EXOC4: variants seen among roughly 807,000 people sequenced by gnomAD.
EXOC4 encodes exocyst complex component 4, also known as SEC8-like 1.
In EXOC4, 71 loss-of-function variants were observed where a neutral mutation model predicts 107.2. That is an observed-to-expected ratio of 0.66 (90% confidence interval 0.55 to 0.81). EXOC4 has a LOEUF of 0.81. Among genes scored for constraint, EXOC4 ranks in the 30% least tolerant of loss-of-function variants. EXOC4 has a pLI of 0.00. For missense variants in EXOC4, 1,108 were observed against 1,189.6 expected (o/e 0.93, Z 1.01); for synonymous variants, 456 against 441.2 (o/e 1.03, Z -0.42).
chr7:133,658,087 C>T (rs1271574509), intron 10 of EXOC4, among the ~76,000 whole-genome samples: 1 of 152,108 alleles, frequency 6.6e-6, no homozygotes. Context: ...GATGTCTAAA[C>T]TGAGACCCTA....
At chr7:133,336,307 A>G (rs1219828692) in intron 5 of EXOC4, among the ~76,000 whole-genome samples, 1 of 152,080 alleles carries the variant, frequency 6.6e-6, no homozygotes, top group African/African-American at 2.4e-5. Flanking sequence ...TGAGAGTTTT[A>G]TAGTTTTAGG....
At chr7:134,029,591 C>T (rs1795223852) in intron 17 of EXOC4, among the ~76,000 whole-genome samples, 1 of 152,186 alleles carries the variant, frequency 6.6e-6, no homozygotes, top group African/African-American at 2.4e-5. Flanking sequence ...GTGATCACGG[C>T]TCACTGCAGC....
rs1296838220 is a variant in EXOC4, at chr7:133,834,055, GATATA to G, written c.1734+16519_1734+16523del. Among the ~76,000 whole-genome samples the G allele has an allele frequency of 2.6e-5, 4 of 152,246 alleles. No individual in the cohort carries two copies. In the East Asian group the frequency reaches 5.8e-4, roughly 22 times the overall value. On this transcript the variant is annotated intron_variant, in intron 11 of 17. Transcript: ENST00000253861. ...CACAGTGACCCCTGCATATTAGTAAGATATAATATAATCTCAGAGGCTTGACTAGA... is the reference window on the plus strand; with the variant it reads ...CACAGTGACCCCTGCATATTAGTAAGATATAATCTCAGAGGCTTGACTAGA...
At chr7:133,691,138 C>G (rs556980479) in intron 10 of EXOC4, among the ~76,000 whole-genome samples, 1 of 152,170 alleles carries the variant, frequency 6.6e-6, no homozygotes, top group Non-Finnish European at 1.5e-5. Flanking sequence ...CCTTCATCCA[C>G]AAAAGATTTA....
chr7:133,277,600 T>C (rs1794026167), intron 2 of EXOC4, among the ~76,000 whole-genome samples: 2 of 152,218 alleles, frequency 1.3e-5, no homozygotes, highest in Admixed American at 1.3e-4. Flanking sequence ...TGCCAGAGTT[T>C]TGAGCAAAAG....
chr7:134,028,112 G>A (rs1009811804), intron 17 of EXOC4, among the ~76,000 whole-genome samples: 2 of 152,212 alleles, frequency 1.3e-5, no homozygotes, highest in Non-Finnish European at 2.9e-5. Flanking sequence ...GGGTCATTTT[G>A]TGGTGTGTTT....
chr7:133,255,477 C>A (rs1430806876), intron 1 of EXOC4, among the ~76,000 whole-genome samples: 4 of 152,112 alleles, frequency 2.6e-5, no homozygotes, highest in Non-Finnish European at 4.4e-5. Flanking sequence ...GCCCAGCCCT[C>A]ATTTTTCTAC....
At chr7:134,022,414 A>T (rs1795050142) in intron 17 of EXOC4, among the ~76,000 whole-genome samples, 1 of 152,182 alleles carries the variant, frequency 6.6e-6, no homozygotes, top group African/African-American at 2.4e-5. Flanking sequence ...CCAGTTTTCT[A>T]ATGGGTCTTA....
At position 134,042,527 on chromosome 7, in the gene EXOC4, T is replaced by C. The variant is rs80147439; in HGVS notation, c.2688-21764T>C. Reference sequence around the variant, plus strand: ...GGACACATGACAAATATGGGCCATCTACGACTGGGCACACTGTCGATTACG... The same window carrying C: ...GGACACATGACAAATATGGGCCATCCACGACTGGGCACACTGTCGATTACG... On this transcript the variant is annotated intron_variant, in intron 17 of 17. Coordinates refer to ENST00000253861, the MANE Select transcript of EXOC4 (RefSeq NM_021807.4). 4.2e-3 allele frequency among the ~76,000 whole-genome samples: 637 copies of C among 151,158 alleles called. 6 individuals are homozygous for C. Among genetic ancestry groups the C allele is most frequent in the African/African-American group, 0.015 (612 of 41,264 alleles).
intron 5 of EXOC4, among the ~76,000 whole-genome samples, chr7:133,326,722 C>G (rs1011665322): frequency 8.5e-5 from 13 of 152,210 alleles, no homozygotes; most frequent in African/African-American, 3.1e-4. Context: ...AGAACCACTA[C>G]AAACTTCAAA....
chr7:133,927,384 A>G (rs1452795911), intron 13 of EXOC4, among the ~76,000 whole-genome samples: 1 of 152,234 alleles, frequency 6.6e-6, no homozygotes, highest in Non-Finnish European at 1.5e-5. Context: ...AGATGTGGAA[A>G]TTAGATGAAT....
chr7:133,637,602 A>C (rs1160910340), intron 10 of EXOC4, among the ~76,000 whole-genome samples: 1 of 152,164 alleles, frequency 6.6e-6, no homozygotes, highest in Non-Finnish European at 1.5e-5. Flanking sequence ...ATTTTTATGA[A>C]ACACAGCCAT....
intron 5 of EXOC4, among the ~76,000 whole-genome samples, chr7:133,325,559 A>G (rs1371374825): frequency 6.6e-6 from 1 of 152,136 alleles, no homozygotes; most frequent in African/African-American, 2.4e-5. Flanking sequence ...TCTGGCTTGT[A>G]GAGTTTCTGC....
At chr7:133,567,969 C>T (rs1455379832) in intron 9 of EXOC4, among the ~76,000 whole-genome samples, 1 of 152,180 alleles carries the variant, frequency 6.6e-6, no homozygotes, top group Non-Finnish European at 1.5e-5. Flanking sequence ...ATAGCATTGC[C>T]ATACTGCCCA....
At chr7:133,801,155 G>A (rs1796933164) in intron 10 of EXOC4, among the ~76,000 whole-genome samples, 2 of 151,972 alleles carry the variant, frequency 1.3e-5, no homozygotes, top group South Asian at 2.1e-4. Flanking sequence ...ATATATTATC[G>A]GGAAACGAGC....
At chr7:133,829,844 G>A (rs892481208) in intron 11 of EXOC4, among the ~76,000 whole-genome samples, 2 of 152,142 alleles carry the variant, frequency 1.3e-5, no homozygotes, top group African/African-American at 4.8e-5. Context: ...AAGGCAGCAT[G>A]CAGCCAGTTC....
intron 11 of EXOC4, among the ~76,000 whole-genome samples, chr7:133,841,828 A>G: frequency 6.6e-6 from 1 of 151,956 alleles, no homozygotes. Flanking sequence ...CACCACCCTC[A>G]AGTAGGTCCC....
rs533850698 is a variant in EXOC4, at chr7:133,471,312, T to G, written c.1183-4016T>G. On this transcript the variant is annotated intron_variant, in intron 7 of 17. Transcript: ENST00000253861. Reference sequence around the variant, plus strand: ...CTGTAATCCCTGCTACTCGGGAGGCTGAGGCAGGAGAATCGCTTGAACCTG... The same window carrying G: ...CTGTAATCCCTGCTACTCGGGAGGCGGAGGCAGGAGAATCGCTTGAACCTG... Among the ~76,000 whole-genome samples the G allele has an allele frequency of 3.3e-5, 5 of 151,606 alleles. No homozygotes were observed. The East Asian group carries it at 9.7e-4, about 29-fold the overall frequency.
At chr7:133,549,275 A>G (rs1438508664) in intron 9 of EXOC4, among the ~76,000 whole-genome samples, 1 of 152,224 alleles carries the variant, frequency 6.6e-6, no homozygotes, top group Admixed American at 6.5e-5. Context: ...TACAGGCATG[A>G]GCAACCACGC....
Sources: allele counts gnomAD v4.1 joint callset (sites outside exome capture counted in the v4.1 genomes callset), GRCh38; gene constraint gnomAD v4.1.1; transcripts MANE v1.5; gene names NCBI Gene and HGNC (gene_info 2026-07-23, HGNC 2026-07-21).